FGF13: variants seen among roughly 807,000 people sequenced by gnomAD.
FGF13 encodes the protein fibroblast growth factor homologous factor 2.
In FGF13, 2 loss-of-function variants were observed where a neutral mutation model predicts 19.5. That is an observed-to-expected ratio of 0.10 (90% confidence interval 0.04 to 0.32). FGF13 has a LOEUF of 0.32. Among genes scored for constraint, FGF13 ranks in the 10% least tolerant of loss-of-function variants. The pLI, the probability that FGF13 is intolerant of heterozygous loss-of-function variation, is 1.00. For synonymous variants in FGF13, 72 were observed against 76.9 expected (o/e 0.94, Z 0.33); for missense variants, 113 against 192.7 (o/e 0.59, Z 2.45).
At chrX:138,786,380 C>T (rs959161747) in intron 3 of FGF13, among the ~76,000 whole-genome samples, 11 of 111,522 alleles carry the variant, frequency 9.9e-5, no homozygotes, top group African/African-American at 2.9e-4. Context: ...TGTATCTGCA[C>T]CTGAAGAGGA....
chrX:138,835,347 A>G (rs2091104603), intron 3 of FGF13, among the ~76,000 whole-genome samples: 1 of 112,288 alleles, frequency 8.9e-6, no homozygotes, highest in African/African-American at 3.2e-5. Flanking sequence ...TGTTGGGTGC[A>G]TAAATATTTA....
intron 1 of FGF13, among the ~76,000 whole-genome samples, chrX:139,166,202 C>G (rs2084083278): frequency 9.0e-6 from 1 of 111,637 alleles, no homozygotes; most frequent in African/African-American, 3.3e-5. Flanking sequence ...TGTGAGGGAC[C>G]CACTGGGAGG....
chrX:139,061,109 C>G (rs2092334744), intron 1 of FGF13, among the ~76,000 whole-genome samples: 2 of 111,779 alleles, frequency 1.8e-5, no homozygotes. Flanking sequence ...AACTGCTGTC[C>G]TCTACAATTG....
At chrX:138,830,667 TA>T (rs760634534) in intron 3 of FGF13, among the ~76,000 whole-genome samples, 8 of 94,250 alleles carry the variant, frequency 8.5e-5, no homozygotes, top group Admixed American at 6.3e-4. Context: ...CCTGGCCATG[TA>T]AAGAGTGAAA....
chrX:138,695,632 C>T (rs1457872750), intron 3 of FGF13, among the ~76,000 whole-genome samples: 1 of 111,400 alleles, frequency 9.0e-6, no homozygotes, highest in African/African-American at 3.3e-5. Context: ...CAAAATGAAT[C>T]GGAGGATAGG....
chrX:139,063,556 T>A (rs1298636682), intron 1 of FGF13, among the ~76,000 whole-genome samples: 1 of 111,478 alleles, frequency 9.0e-6, no homozygotes, highest in East Asian at 2.8e-4. Flanking sequence ...AGGTGAAGGA[T>A]CTATTTCCAG....
chrX:138,800,752 C>T (rs2090822130), intron 3 of FGF13, among the ~76,000 whole-genome samples: 1 of 111,816 alleles, frequency 8.9e-6, no homozygotes, highest in Admixed American at 9.5e-5. Flanking sequence ...TTCACTTAGT[C>T]CCATATTGCT....
chrX:138,950,548 C>A (rs1016188882), intron 1 of FGF13, among the ~76,000 whole-genome samples: 31 of 111,651 alleles, frequency 2.8e-4, no homozygotes, highest in African/African-American at 8.1e-4. Context: ...TGTCAAAGTC[C>A]CTGCTCTTTT....
chrX:138,984,917 G>T (rs2091988701), intron 1 of FGF13: 1 of 284,064 alleles, frequency 3.5e-6, no homozygotes. Flanking sequence ...TACAACTGGG[G>T]ATGTTCCCCA....
upstream of FGF13, chrX:138,716,577 C>T (rs2090104378): frequency 9.1e-6 from 1 of 110,137 alleles, no homozygotes; most frequent in Non-Finnish European, 1.9e-5. Context: ...TAAGACCCTG[C>T]CTCTAAAAAA....
chrX:138,676,278 C>T, intron 3 of FGF13, among the ~76,000 whole-genome samples: 1 of 110,832 alleles, frequency 9.0e-6, no homozygotes, highest in Non-Finnish European at 1.9e-5. Flanking sequence ...CCTGGCCCCA[C>T]CAAGCCTACA....
chrX:139,067,063 C>G (rs1282950825), intron 1 of FGF13, among the ~76,000 whole-genome samples: 1 of 111,603 alleles, frequency 9.0e-6, no homozygotes, highest in African/African-American at 3.3e-5. Flanking sequence ...CAGAAAAGGC[C>G]TTCGATAAAA....
chrX:139,085,035 A>C (rs1345647391), intron 1 of FGF13, among the ~76,000 whole-genome samples: 2 of 111,819 alleles, frequency 1.8e-5, no homozygotes, highest in Non-Finnish European at 3.8e-5. Context: ...CTACACTTAC[A>C]GTTCCACAGA....
intron 1 of FGF13, among the ~76,000 whole-genome samples, chrX:139,173,711 A>T (rs139110596): frequency 0.015 from 1,704 of 111,139 alleles, 24 homozygotes; most frequent in African/African-American, 0.052. Flanking sequence ...CTTCATTCAT[A>T]TCCCTGCAAA....
Position 138,654,685 on chromosome X carries a change from G to C in FGF13, c.403-19030C>G, listed in dbSNP as rs775217107. On this transcript the variant is annotated intron_variant, in intron 3 of 4. Coordinates refer to ENST00000315930, the MANE Select transcript of FGF13 (RefSeq NM_004114.5). ...GAACCCGGGAGGCGGAGGTTGCAAT[G>C]AGCTGGGATTGCACCACTGCACTCC... Among the ~76,000 whole-genome samples, 107 of 111,288 alleles carry C rather than the reference G, an allele frequency of 9.6e-4. 1 individual carries two copies. The highest frequency in any genetic ancestry group is 1.7e-3 in the Non-Finnish European group (92 of 53,101).
In FGF13 at chrX:138,623,121, G is replaced by A. The variant is rs1171100001; in HGVS notation, c.*9729C>T. ...TTATGTTGATTTTTTTATCAACATT[G>A]GTGAATTCTACCCAAGTGAAATTGG... On this transcript the variant is annotated 3_prime_UTR_variant, in exon 5 of 5. Coordinates refer to ENST00000315930, the MANE Select transcript of FGF13 (RefSeq NM_004114.5). 1 of 110,671 alleles carries A rather than the reference G, an allele frequency of 9.0e-6. No homozygotes were observed. Among genetic ancestry groups the A allele is most frequent in the Admixed American group, 9.6e-5 (1 of 10,401 alleles). The allele number at this position is 110,671 out of a possible 1,213,427, so 9.1% of individuals were successfully genotyped here.
At chrX:138,820,363 T>C (rs892676145) in intron 3 of FGF13, among the ~76,000 whole-genome samples, 1 of 111,894 alleles carries the variant, frequency 8.9e-6, no homozygotes, top group Admixed American at 9.5e-5. Flanking sequence ...GTGCAATGCT[T>C]AGCACTGAGG....
chrX:138,979,297 C>A (rs888236571), intron 1 of FGF13, among the ~76,000 whole-genome samples: 3 of 111,786 alleles, frequency 2.7e-5, no homozygotes, highest in African/African-American at 9.7e-5. Context: ...ACTGGCTTTG[C>A]CACTGGTTAA....
chrX:138,947,372 A>G (rs760799217), intron 1 of FGF13, among the ~76,000 whole-genome samples: 1 of 112,142 alleles, frequency 8.9e-6, no homozygotes, highest in Admixed American at 9.5e-5. Flanking sequence ...TTTATATTCA[A>G]TTCTTAACTC....
Sources: allele counts gnomAD v4.1 joint callset (sites outside exome capture counted in the v4.1 genomes callset), GRCh38; gene constraint gnomAD v4.1.1; transcripts MANE v1.5; gene names NCBI Gene and HGNC (gene_info 2026-07-23, HGNC 2026-07-21).